Variants in TRPC4 observed in about 807,000 individuals in gnomAD.
The protein encoded by TRPC4 is short transient receptor potential channel 4.
A neutral mutation model predicts 99.4 loss-of-function variants in TRPC4; 49 were observed. That is an observed-to-expected ratio of 0.49 (90% CI 0.39 to 0.63). The LOEUF (loss-of-function observed/expected upper bound fraction) is 0.63, where lower values mean the gene tolerates loss of function less well. Among genes scored for constraint, TRPC4 ranks in the 20% least tolerant of loss-of-function variants. The probability of loss-of-function intolerance (pLI) is 0.00; values close to 1 mark genes in which losing one functional copy is unlikely to be tolerated. For missense variants in TRPC4, 898 were observed against 1,152.9 expected (o/e 0.78, Z 3.20); for synonymous variants, 454 against 425.9 (o/e 1.07, Z -0.81).
At position 37,758,833 on chromosome 13, in the gene TRPC4, T is replaced by C. The variant is rs188171717; in HGVS notation, c.379-12378A>G. Among the ~76,000 whole-genome samples the C allele has an allele frequency of 3.0e-3, 448 of 151,636 alleles. 7 individuals carry two copies. Among genetic ancestry groups the C allele is most frequent in the Middle Eastern group, 0.011 (3 of 274 alleles). The stretch of plus-strand genomic sequence containing the variant: ...AGATTATAGAAAAAATAAAACCTTA[T>C]AGGGCATAAAATAAAATCAGAAATA... On this transcript the variant is annotated intron_variant, in intron 2 of 10. Coordinates refer to ENST00000379705, the MANE Select transcript of TRPC4 (RefSeq NM_016179.4).
chr13:37,684,794 TACAC>T (rs57132536), intron 4 of TRPC4, among the ~76,000 whole-genome samples: 16,042 of 140,562 alleles, frequency 0.11, 916 homozygotes, highest in African/African-American at 0.13. Context: ...GAGTACCCCT[TACAC>T]ACACACACAC....
chr13:37,732,268 G>A (rs1043252876), intron 3 of TRPC4, among the ~76,000 whole-genome samples: 3 of 152,128 alleles, frequency 2.0e-5, no homozygotes, highest in Non-Finnish European at 4.4e-5. Context: ...ATAAATGAGG[G>A]GAAATTTATT....
chr13:37,745,531 T>C (rs1454425048), intron 3 of TRPC4, among the ~76,000 whole-genome samples: 1 of 76,760 alleles, frequency 1.3e-5, no homozygotes, highest in Non-Finnish European at 2.2e-5. Context: ...TATATATGTA[T>C]ATATACGTAT....
intron 1 of TRPC4, among the ~76,000 whole-genome samples, chr13:37,847,120 T>G (rs1566220044): frequency 6.6e-6 from 1 of 151,958 alleles, no homozygotes; most frequent in Non-Finnish European, 1.5e-5. Flanking sequence ...ACTCCACTTT[T>G]AAAAATAGAG....
At position 37,642,392 on chromosome 13, in the gene TRPC4, C is replaced by T. The variant is rs115710533; in HGVS notation, c.2080-3093G>A. On this transcript the variant is annotated intron_variant, in intron 8 of 10. Transcript: ENST00000379705. ...CTAGTGGAGCTGTGGAATGTACCTC[C>T]TACAACATGTCGCTACTGAGAAGCC... Among the ~76,000 whole-genome samples the T allele has an allele frequency of 2.0e-3, 298 of 152,220 alleles. 1 individual carries two copies. The highest frequency in any genetic ancestry group is 6.7e-3 in the African/African-American group (280 of 41,546).
chr13:37,737,778 TCTTTTA>T (rs1955446327), intron 3 of TRPC4, among the ~76,000 whole-genome samples: 1 of 152,156 alleles, frequency 6.6e-6, no homozygotes, highest in Non-Finnish European at 1.5e-5. Context: ...ACCAATTTGT[TCTTTTA>T]CTTTTAATAT....
intron 3 of TRPC4, among the ~76,000 whole-genome samples, chr13:37,742,212 C>CTT (rs1372067671): frequency 2.0e-5 from 3 of 152,132 alleles, no homozygotes; most frequent in Admixed American, 2.0e-4. Context: ...TAACACAGAG[C>CTT]TTTCTCTTTG....
chr13:37,768,516 G>T (rs1008304866), intron 2 of TRPC4, among the ~76,000 whole-genome samples: 1 of 95,866 alleles, frequency 1.0e-5, no homozygotes, highest in African/African-American at 3.3e-5. Context: ...CATGGGAGGA[G>T]AAAGAAAAAG....
intron 1 of TRPC4, among the ~76,000 whole-genome samples, chr13:37,787,309 T>C (rs1318245488): frequency 6.6e-6 from 1 of 152,084 alleles, no homozygotes; most frequent in Non-Finnish European, 1.5e-5. Context: ...GTTATTAAGA[T>C]ACTATCACAC....
At chr13:37,783,475 A>G in intron 1 of TRPC4, 115 bp from the exon 2 acceptor site, 7 of 752,486 alleles carry the variant, frequency 9.3e-6, no homozygotes, top group African/African-American at 1.8e-5. Flanking sequence ...ATTATTAGTA[A>G]CTATTAAGAG....
At chr13:37,782,075 C>T (rs1956855701) in intron 2 of TRPC4, among the ~76,000 whole-genome samples, 1 of 152,058 alleles carries the variant, frequency 6.6e-6, no homozygotes, top group South Asian at 2.1e-4. Context: ...GCAGAATCTG[C>T]AGTGTCTTTG....
chr13:37,795,990 G>A (rs980540039), intron 1 of TRPC4, among the ~76,000 whole-genome samples: 1 of 152,074 alleles, frequency 6.6e-6, no homozygotes, highest in African/African-American at 2.4e-5. Context: ...AAATGCTGAT[G>A]GTTTCAGTGA....
At position 37,841,916 on chromosome 13, in the gene TRPC4, C is replaced by A. The variant is rs1056029472; in HGVS notation, c.-28+27679G>T. 8.5e-5 allele frequency among the ~76,000 whole-genome samples: 13 copies of A among 152,094 alleles called. 1 individual carries two copies. Among genetic ancestry groups the A allele is most frequent in the African/African-American group, 3.1e-4 (13 of 41,418 alleles). ...GGTATCCCAGATAAATGAAGACTTACATTCAAACAGACATCTTAAAATCAT... is the reference window on the plus strand; with the variant it reads ...GGTATCCCAGATAAATGAAGACTTAAATTCAAACAGACATCTTAAAATCAT... On this transcript the variant is annotated intron_variant, in intron 1 of 10. Transcript: ENST00000379705.
intron 2 of TRPC4, among the ~76,000 whole-genome samples, chr13:37,781,206 A>C (rs1487418674): frequency 6.6e-6 from 1 of 152,122 alleles, no homozygotes; most frequent in African/African-American, 2.4e-5. Context: ...AGAAAATAGA[A>C]CTAAGAAGGT....
chr13:37,823,216 T>C (rs1958073187), intron 1 of TRPC4, among the ~76,000 whole-genome samples: 1 of 148,802 alleles, frequency 6.7e-6, no homozygotes, highest in African/African-American at 2.4e-5. Context: ...TCCCATTTTG[T>C]AGGTTGCCTG....
rs1352855644 is a variant in TRPC4 at position 37,635,689 on chromosome 13, T to A, written c.*1214A>T. 1.3e-5 allele frequency among the ~76,000 whole-genome samples: 2 copies of A among 152,102 alleles called. No individual in the cohort carries two copies. The highest frequency in any genetic ancestry group is 4.8e-5 in the African/African-American group (2 of 41,432). ...ACACAAGCAATGTAAAATTTAAGCTTTAAGTTTCTAGTATCAATTTTATGT... is the reference window on the plus strand; with the variant it reads ...ACACAAGCAATGTAAAATTTAAGCTATAAGTTTCTAGTATCAATTTTATGT... On this transcript the variant is annotated 3_prime_UTR_variant, in exon 11 of 11. Transcript: ENST00000379705.
Position 37,637,534 on chromosome 13 carries a change from G to T in TRPC4, c.2303C>A (p.Ser768Ter), listed in dbSNP as rs140911831. The T allele has an allele frequency of 6.2e-7, 1 of 1,613,472 alleles. No individual in the cohort carries two copies. The highest frequency in any genetic ancestry group is 1.7e-5 in the Admixed American group (1 of 59,924). Residue 768 changes from serine (S) to a stop codon, truncating the protein, a stop_gained, in exon 11 of 11, where the codon TCG becomes TAG. Transcript: ENST00000379705. LOFTEE classifies it high-confidence loss of function. ...KLSTIQSANA[S>*]KESSNSADSD... Reference sequence around the variant, plus strand: ...GTCTGCCGAATTTGAAGACTCCTTCGAGGCATTCGCAGATTGTATTGTGGA... The same window carrying T: ...GTCTGCCGAATTTGAAGACTCCTTCTAGGCATTCGCAGATTGTATTGTGGA...
intron 2 of TRPC4, among the ~76,000 whole-genome samples, chr13:37,752,649 T>C (rs1023908911): frequency 6.6e-6 from 1 of 151,874 alleles, no homozygotes; most frequent in African/African-American, 2.4e-5. Context: ...TTTCAGAATG[T>C]CCTAATGTTA....
chr13:37,830,407 T>A (rs529913773), intron 1 of TRPC4, among the ~76,000 whole-genome samples: 1 of 152,140 alleles, frequency 6.6e-6, no homozygotes, highest in Non-Finnish European at 1.5e-5. Flanking sequence ...TTATTTAAAT[T>A]CTTTTTAAAG....
Sources: allele counts gnomAD v4.1 joint callset (sites outside exome capture counted in the v4.1 genomes callset), GRCh38; gene constraint gnomAD v4.1.1; transcripts MANE v1.5; gene names NCBI Gene and HGNC (gene_info 2026-07-23, HGNC 2026-07-21).